TBC1D4: variants seen among roughly 807,000 people sequenced by gnomAD.
TBC1D4 encodes TBC1 domain family member 4.
Under a neutral mutation model 142.5 loss-of-function variants are expected in TBC1D4, and 121 were observed. The observed-to-expected ratio is 0.85, with a 90% CI of 0.73 to 0.99. The LOEUF (loss-of-function observed/expected upper bound fraction) is 0.99. Ranked by LOEUF, TBC1D4 falls within the 50% of genes least tolerant of loss-of-function variation. The pLI, the probability that TBC1D4 is intolerant of heterozygous loss-of-function variation, is 0.00. For missense variants in TBC1D4, 1,475 were observed against 1,606.6 expected (o/e 0.92, Z 1.40); for synonymous variants, 630 against 628.2 (o/e 1.00, Z -0.04).
At chr13:75,326,842 A>G (rs1029597286) in intron 9 of TBC1D4, among the ~76,000 whole-genome samples, 1 of 152,184 alleles carries the variant, frequency 6.6e-6, no homozygotes, top group Non-Finnish European at 1.5e-5. Flanking sequence ...GTGTTTCCGT[A>G]TCTCCTGGCT....
chr13:75,445,546 A>G (rs1282872696), intron 1 of TBC1D4, among the ~76,000 whole-genome samples: 4 of 152,324 alleles, frequency 2.6e-5, no homozygotes, highest in Admixed American at 6.5e-5. Flanking sequence ...AAAATCTTCT[A>G]TAAAATAAGG....
At chr13:75,344,401 A>C (rs1593762849) in intron 5 of TBC1D4, among the ~76,000 whole-genome samples, 1 of 152,170 alleles carries the variant, frequency 6.6e-6, no homozygotes, top group South Asian at 2.1e-4. Flanking sequence ...AATTGGCTGG[A>C]GTTTATTTCT....
At chr13:75,433,154 T>C (rs1356219751) in intron 1 of TBC1D4, among the ~76,000 whole-genome samples, 2 of 152,200 alleles carry the variant, frequency 1.3e-5, no homozygotes, top group Admixed American at 1.3e-4. Flanking sequence ...AGTCATTTTC[T>C]GTCATGCCAT....
At chr13:75,293,694 T>C (rs1324686318) in intron 18 of TBC1D4, among the ~76,000 whole-genome samples, 1 of 152,234 alleles carries the variant, frequency 6.6e-6, no homozygotes, top group East Asian at 1.9e-4. Context: ...ACTCTTTTGC[T>C]GCATTTTATA....
intron 9 of TBC1D4, among the ~76,000 whole-genome samples, chr13:75,326,923 C>T (rs1212783834): frequency 6.6e-6 from 1 of 152,184 alleles, no homozygotes; most frequent in Non-Finnish European, 1.5e-5. Flanking sequence ...GTCCAAGTCT[C>T]ATGGCAAAGC....
chr13:75,469,550 T>G (rs1458820970), intron 1 of TBC1D4, among the ~76,000 whole-genome samples: 2 of 152,164 alleles, frequency 1.3e-5, no homozygotes, highest in Admixed American at 6.5e-5. Context: ...GCAAGAGGAC[T>G]GCTTGAGCCC....
At chr13:75,463,932 CTCTT>C (rs1888069986) in intron 1 of TBC1D4, among the ~76,000 whole-genome samples, 1 of 152,170 alleles carries the variant, frequency 6.6e-6, no homozygotes, top group Non-Finnish European at 1.5e-5. Context: ...TGTGACCCAT[CTCTT>C]TCTTTTGGCT....
intron 1 of TBC1D4, among the ~76,000 whole-genome samples, chr13:75,467,157 C>T (rs990008295): frequency 6.6e-6 from 1 of 152,154 alleles, no homozygotes; most frequent in Non-Finnish European, 1.5e-5. Flanking sequence ...TCAATATGTA[C>T]ATTACAGCTT....
chr13:75,336,270 A>G (rs563622), intron 8 of TBC1D4, among the ~76,000 whole-genome samples: 71,285 of 151,746 alleles, frequency 0.47, 17,334 homozygotes, highest in East Asian at 0.77. Flanking sequence ...GGTGGCGCGC[A>G]CCTGTAGTCC....
At chr13:75,429,476 T>G (rs550378797) in intron 1 of TBC1D4, among the ~76,000 whole-genome samples, 1 of 152,210 alleles carries the variant, frequency 6.6e-6, no homozygotes, top group African/African-American at 2.4e-5. Context: ...CTGGTCTGAT[T>G]TGCAACATTT....
intron 1 of TBC1D4, among the ~76,000 whole-genome samples, chr13:75,429,999 G>A (rs1886531428): frequency 6.6e-6 from 1 of 152,166 alleles, no homozygotes; most frequent in South Asian, 2.1e-4. Context: ...CACATAGAAT[G>A]AGCAAGACTA....
intron 1 of TBC1D4, among the ~76,000 whole-genome samples, chr13:75,372,400 G>C (rs1883268294): frequency 1.3e-5 from 2 of 151,904 alleles, no homozygotes; most frequent in African/African-American, 4.8e-5. Context: ...CTCCTGAGTA[G>C]CTGGAATTAC....
At chr13:75,306,221 A>G (rs1264985544) in intron 15 of TBC1D4, 92 bp downstream of exon 15, 2 of 1,197,120 alleles carry the variant, frequency 1.7e-6, no homozygotes, top group Admixed American at 2.8e-5. Flanking sequence ...AAAATTACTA[A>G]GCAAAATCTG....
At chr13:75,410,060 A>T in intron 1 of TBC1D4, among the ~76,000 whole-genome samples, 1 of 152,358 alleles carries the variant, frequency 6.6e-6, no homozygotes, top group African/African-American at 2.4e-5. Context: ...CCTGCCTTGT[A>T]TAAACAAAAT....
chr13:75,453,561 C>G (rs1384851731), intron 1 of TBC1D4, among the ~76,000 whole-genome samples: 31 of 152,000 alleles, frequency 2.0e-4, no homozygotes, highest in Admixed American at 2.0e-3. Flanking sequence ...AAAACATTTT[C>G]TATTTTAAAA....
At chr13:75,428,379 T>C (rs751959024) in intron 1 of TBC1D4, among the ~76,000 whole-genome samples, 9 of 152,216 alleles carry the variant, frequency 5.9e-5, no homozygotes, top group Non-Finnish European at 1.3e-4. Flanking sequence ...TTTTTACATA[T>C]CCTTCCAGCA....
chr13:75,288,435 C>T (rs902857346), intron 20 of TBC1D4, among the ~76,000 whole-genome samples: 5 of 152,142 alleles, frequency 3.3e-5, no homozygotes, highest in Non-Finnish European at 7.4e-5. Context: ...AAGTCACTTA[C>T]GATTCTGCCT....
chr13:75,419,903 C>T (rs934734932), intron 1 of TBC1D4, among the ~76,000 whole-genome samples: 3 of 152,176 alleles, frequency 2.0e-5, no homozygotes, highest in Admixed American at 2.0e-4. Context: ...ACTGGAAGAA[C>T]GGTGTGCTAC....
intron 1 of TBC1D4, among the ~76,000 whole-genome samples, chr13:75,454,258 T>C (rs1445853626): frequency 6.6e-6 from 1 of 152,160 alleles, no homozygotes; most frequent in African/African-American, 2.4e-5. Context: ...ATTAGTGATC[T>C]TTCTGCCTTA....
Sources: gnomAD v4.1 joint callset for allele counts (sites outside exome capture counted in the v4.1 genomes callset) on GRCh38, gnomAD v4.1.1 for gene constraint, MANE v1.5 for transcripts, NCBI Gene and HGNC (gene_info 2026-07-23, HGNC 2026-07-21) for gene names.